LRRC4C: variants seen among roughly 807,000 people sequenced by gnomAD.
LRRC4C encodes the protein leucine rich repeat containing 4C.
In LRRC4C, 5 loss-of-function variants were observed where a neutral mutation model predicts 33.6. That is an observed-to-expected ratio of 0.15 (90% CI 0.08 to 0.31). The LOEUF is 0.31. Among genes scored for constraint, LRRC4C ranks in the 10% least tolerant of loss-of-function variants. LRRC4C has a pLI of 1.00. For synonymous variants in LRRC4C, 329 were observed against 302.0 expected, an observed-to-expected ratio of 1.09 and a Z score of -0.93; for missense variants, 560 against 796.7, an observed-to-expected ratio of 0.70 and a Z score of 3.58.
chr11:41,326,147 C>T (rs1286849231), intron 1 of LRRC4C, among the ~76,000 whole-genome samples: 1 of 142,714 alleles, frequency 7.0e-6, no homozygotes, highest in African/African-American at 2.6e-5. Flanking sequence ...TAATCAGCTG[C>T]CAGCACAGCT....
At chr11:40,529,369 G>T (rs191649232) in intron 3 of LRRC4C, among the ~76,000 whole-genome samples, 23 of 152,076 alleles carry the variant, frequency 1.5e-4, no homozygotes, top group Non-Finnish European at 2.6e-4. Context: ...AAATTGAAAG[G>T]ACTTAAGACT....
chr11:40,581,531 C>A (rs373022739), intron 3 of LRRC4C, among the ~76,000 whole-genome samples: 18 of 151,964 alleles, frequency 1.2e-4, no homozygotes, highest in African/African-American at 4.3e-4. Flanking sequence ...TTGCTAGTTC[C>A]ATCTCATTTT....
At chr11:40,668,852 T>C (rs1251910906) in intron 2 of LRRC4C, among the ~76,000 whole-genome samples, 2 of 152,138 alleles carry the variant, frequency 1.3e-5, no homozygotes, top group African/African-American at 2.4e-5. Context: ...GTAGAAACCA[T>C]GGGGCTAGAT....
chr11:41,047,110 A>G (rs527271114), intron 1 of LRRC4C, among the ~76,000 whole-genome samples: 15 of 152,278 alleles, frequency 9.9e-5, no homozygotes, highest in Admixed American at 7.9e-4. Context: ...TTTATAAATC[A>G]TATCTCTAAT....
chr11:40,141,522 C>T (rs1857367333), intron 5 of LRRC4C, among the ~76,000 whole-genome samples: 1 of 152,120 alleles, frequency 6.6e-6, no homozygotes, highest in Non-Finnish European at 1.5e-5. Flanking sequence ...GTAATTCCAA[C>T]AAATACAGGT....
intron 1 of LRRC4C, among the ~76,000 whole-genome samples, chr11:41,160,029 A>G (rs926379511): frequency 2.6e-5 from 4 of 152,178 alleles, no homozygotes; most frequent in African/African-American, 9.6e-5. Flanking sequence ...ACACACACAT[A>G]CACACACATG....
At chr11:41,239,768 C>T (rs1336747039) in intron 1 of LRRC4C, among the ~76,000 whole-genome samples, 2 of 151,986 alleles carry the variant, frequency 1.3e-5, no homozygotes, top group African/African-American at 2.4e-5. Context: ...ATATTGTATC[C>T]TAATATATCC....
In LRRC4C at chr11:40,116,445, CAAATT is replaced by C. The variant is rs752504147; in HGVS notation, c.-42-116_-42-112del. ...TCAGCTAAAGCCATCATGTGTGAGACAAATTAAAAACAAATCTAATATCCTTTATT... is the reference window on the plus strand; with the variant it reads ...TCAGCTAAAGCCATCATGTGTGAGACAAAAACAAATCTAATATCCTTTATT... On this transcript the variant is annotated intron_variant, in intron 6 of 6. Transcript: ENST00000528697. The C allele has an allele frequency of 1.4e-4, 159 of 1,146,244 alleles. No homozygotes were observed. In the Middle Eastern group the frequency reaches 4.9e-3, roughly 35 times the overall value. The allele number at this position is 1,146,244 out of a possible 1,614,324, so 71.0% of individuals were successfully genotyped here. A position where few individuals can be genotyped will look rare whatever the true frequency, so the allele number is the denominator to read the frequency against.
At chr11:41,276,767 T>G (rs1949497556) in intron 1 of LRRC4C, among the ~76,000 whole-genome samples, 1 of 152,054 alleles carries the variant, frequency 6.6e-6, no homozygotes, top group African/African-American at 2.4e-5. Flanking sequence ...CAAGGATCCT[T>G]ACAGGGGAAA....
At chr11:41,073,692 T>C (rs746766427) in intron 1 of LRRC4C, among the ~76,000 whole-genome samples, 17 of 152,234 alleles carry the variant, frequency 1.1e-4, no homozygotes, top group Non-Finnish European at 2.1e-4. Flanking sequence ...CAAGCTTATA[T>C]TGGTTCTCAG....
At chr11:40,668,414 C>T (rs1943926128) in intron 2 of LRRC4C, among the ~76,000 whole-genome samples, 1 of 152,164 alleles carries the variant, frequency 6.6e-6, no homozygotes, top group African/African-American at 2.4e-5. Flanking sequence ...AACACACACA[C>T]ATAAAAAATG....
intron 1 of LRRC4C, among the ~76,000 whole-genome samples, chr11:41,171,561 T>C (rs1476005805): frequency 8.8e-6 from 1 of 114,236 alleles, no homozygotes; most frequent in South Asian, 2.5e-4. Flanking sequence ...TAAGAACACA[T>C]GGACACAGGA....
intron 1 of LRRC4C, among the ~76,000 whole-genome samples, chr11:41,031,359 A>G (rs1856718868): frequency 6.6e-6 from 1 of 151,958 alleles, no homozygotes; most frequent in African/African-American, 2.4e-5. Flanking sequence ...TTAATCTCTT[A>G]TGGGCACCCG....
intron 3 of LRRC4C, among the ~76,000 whole-genome samples, chr11:40,614,650 C>T (rs1346199834): frequency 6.6e-6 from 1 of 151,648 alleles, no homozygotes; most frequent in Non-Finnish European, 1.5e-5. Context: ...TTGCCTTCTT[C>T]ACTGAGCTTA....
intron 3 of LRRC4C, among the ~76,000 whole-genome samples, chr11:40,411,554 C>T (rs1950156132): frequency 6.6e-6 from 1 of 152,048 alleles, no homozygotes; most frequent in African/African-American, 2.4e-5. Context: ...ACTGTTTCTA[C>T]ATCAGATCCA....
At chr11:41,440,061 T>C (rs1253152586) in intron 1 of LRRC4C, among the ~76,000 whole-genome samples, 1 of 152,214 alleles carries the variant, frequency 6.6e-6, no homozygotes, top group East Asian at 1.9e-4. Context: ...ATTCTTTGCC[T>C]AGGCCAATGT....
At chr11:41,095,252 G>A (rs1381475596) in intron 1 of LRRC4C, among the ~76,000 whole-genome samples, 1 of 152,086 alleles carries the variant, frequency 6.6e-6, no homozygotes, top group Non-Finnish European at 1.5e-5. Context: ...CAGATCTTGT[G>A]AGAACTCACT....
At chr11:41,258,392 C>G (rs1201353142) in intron 1 of LRRC4C, among the ~76,000 whole-genome samples, 6 of 151,974 alleles carry the variant, frequency 3.9e-5, no homozygotes, top group Admixed American at 3.9e-4. Context: ...CTACCCTTCT[C>G]TCTGACACTT....
chr11:40,310,169 T>C (rs1945233500), intron 4 of LRRC4C, among the ~76,000 whole-genome samples: 2 of 152,174 alleles, frequency 1.3e-5, no homozygotes, highest in African/African-American at 4.8e-5. Context: ...GATCATATTT[T>C]GAAGAGGGTA....
Sources: gnomAD v4.1 joint callset for allele counts (sites outside exome capture counted in the v4.1 genomes callset) on GRCh38, gnomAD v4.1.1 for gene constraint, MANE v1.5 for transcripts, NCBI Gene and HGNC (gene_info 2026-07-23, HGNC 2026-07-21) for gene names.